The following TTN variants were observed in gnomAD, a reference collection of about 807,000 sequenced individuals.
TTN encodes connectin.
A neutral mutation model predicts 3,223.0 loss-of-function variants in TTN; 1,525 were observed. That is an observed-to-expected ratio of 0.47 (90% CI 0.45 to 0.49). The LOEUF (loss-of-function observed/expected upper bound fraction) is 0.49. Ranked by LOEUF, TTN falls within the 20% of genes least tolerant of loss-of-function variation. The probability of loss-of-function intolerance (pLI) is 0.00; values close to 1 mark genes in which losing one functional copy is unlikely to be tolerated. For missense variants in TTN, 40,786 were observed against 43,424.0 expected (o/e 0.94, Z 5.40); for synonymous variants, 14,094 against 15,161.0 (o/e 0.93, Z 5.17).
rs756267977 is a variant in TTN, at chr2:178,773,766, A to G, written c.7331-41T>C. The G allele has an allele frequency of 6.2e-6, 10 of 1,614,098 alleles. No individual in the cohort carries two copies. The South Asian group carries it at 6.6e-5, about 11-fold the overall frequency. ...CACACAAGATGAATGAATTTTGTTG[A>G]AATTGTCTGCTCCTTGAAGTTCTTT... On this transcript the variant is annotated intron_variant, in intron 31 of 362. Coordinates refer to ENST00000589042, the MANE Select transcript of TTN (RefSeq NM_001267550.2).
At chr2:178,605,342 T>G (rs752279483) in intron 279 of TTN, 47 bp from the exon 280 acceptor site, 22 of 1,531,672 alleles carry the variant, frequency 1.4e-5, no homozygotes, top group Non-Finnish European at 1.7e-5. Flanking sequence ...CATAAGGATG[T>G]TTTTTTCAAC....
At chr2:178,723,726 T>A (rs1470628575) in intron 73 of TTN, 30 bp from the exon 74 acceptor site, 1 of 1,533,072 alleles carries the variant, frequency 6.5e-7, no homozygotes, top group Non-Finnish European at 8.7e-7. Context: ...AATTAAAAGA[T>A]CCTGTAAGCT....
At chr2:178,773,073 C>T (rs2091769218) in intron 33 of TTN, 36 bp downstream of exon 33, 1 of 1,612,538 alleles carries the variant, frequency 6.2e-7, no homozygotes. Context: ...ATAACAATCA[C>T]TCCTCGTAAG....
chr2:178,540,074 T>A lies in TTN; in HGVS notation c.98092A>T (p.Met32698Leu). Residue 32698 changes from methionine to leucine, a missense_variant, in exon 351 of 363, where the codon ATG (methionine) becomes TTG (leucine). Physicochemically the swap from Met to Leu is conservative, Grantham distance 15. Coordinates refer to ENST00000589042, the MANE Select transcript of TTN (RefSeq NM_001267550.2). ...EVPGTVKVTE[M>L]LEYPDYELDE... is the part of the protein sequence containing the mutation. ...AAATGATCATATGTCTCACCAAGCA[T>A]TTCAGTGACTTTGACTGTTCCTGGT... is the stretch of plus-strand genomic sequence containing the variant. 6.3e-7 allele frequency: 1 copy of A among 1,599,466 alleles called. No individual in the cohort carries two copies. Among genetic ancestry groups the A allele is most frequent in the Non-Finnish European group, 8.5e-7 (1 of 1,171,124 alleles).
Position 178,636,831 on chromosome 2 carries a change from G to A in TTN, c.40928-32C>T. ...CAAAGTAAAATAAAAAGTTGATTTG[G>A]CATCTCCTTAGGAGTCAGAAAGTTC... is the stretch of plus-strand genomic sequence containing the variant. On this transcript the variant is annotated intron_variant, in intron 224 of 362. Transcript: ENST00000589042. This position sits in a 1 kb window ranked among gnomAD's most constrained non-coding sequence, Gnocchi z 4.3. 6.5e-7 allele frequency: 1 copy of A among 1,532,840 alleles called. No homozygotes were observed. 95.0% of individuals were successfully genotyped at this position (1,532,840 alleles called of 1,614,324 possible).
Position 178,528,934 on chromosome 2 carries a change from T to G in TTN, c.106817A>C (p.His35606Pro). Residue 35606 changes from histidine to proline, a missense_variant, in exon 360 of 363, where the codon CAT becomes CCT. Transcript: ENST00000589042. ...TSQASEEVRT[H>P]AEIKAFSTQM... ...AGTAGAAAATGCTTTAATCTCAGCA[T>G]GAGTTCTGACTTCTTCTGATGCCTG... 1 of 1,614,052 alleles carries G rather than the reference T, an allele frequency of 6.2e-7. No individual in the cohort carries two copies. Among genetic ancestry groups the G allele is most frequent in the Non-Finnish European group, 8.5e-7 (1 of 1,179,888 alleles).
At chr2:178,631,361 T>C in intron 236 of TTN, 61 bp from the exon 237 acceptor site, 1 of 1,509,530 alleles carries the variant, frequency 6.6e-7, no homozygotes, top group Non-Finnish European at 8.8e-7. Flanking sequence ...GACAATCTCT[T>C]GGAAAGTTTA....
In TTN at chr2:178,692,591, A is replaced by C. The variant is rs1404493150; in HGVS notation, c.31595-11T>G. The C allele has an allele frequency of 3.3e-6, 5 of 1,513,136 alleles. No homozygotes were observed. Among genetic ancestry groups the C allele is most frequent in the Non-Finnish European group, 2.6e-6 (3 of 1,134,464 alleles). The allele number at this position is 1,513,136 out of a possible 1,614,324, so 93.7% of individuals were successfully genotyped here. A position where few individuals can be genotyped will look rare whatever the true frequency, so the allele number is the denominator to read the frequency against. ...CAGGTAGCTCAGGGACTTTAAAAGA[A>C]AAGTGCCATTTTTGAGAAAGTGTGC... On this transcript the variant is annotated splice_polypyrimidine_tract_variant and intron_variant, in intron 119 of 362. Coordinates refer to ENST00000589042, the MANE Select transcript of TTN (RefSeq NM_001267550.2).
chr2:178,565,278 C>T lies in TTN; in HGVS notation c.80854G>A (p.Val26952Ile), dbSNP rs371362606. Residue 26952 changes from valine (V) to isoleucine (I), a missense_variant, in exon 326 of 363, where the codon GTA becomes ATA. By Grantham distance (29) the Val-to-Ile change is conservative. Coordinates refer to ENST00000589042, the MANE Select transcript of TTN (RefSeq NM_001267550.2). ...GTGCCTGCACTATTTGTTGCCGTTA[C>T]GGTGTATTTTCCAAAGTCATCTTTG... ...GNKDDFGKYT[V>I]TATNSAGTAT... 6.9e-5 allele frequency: 112 copies of T among 1,613,602 alleles called. No individual in the cohort carries two copies. The highest frequency in any genetic ancestry group is 2.9e-4 in the African/African-American group (22 of 75,008).
Position 178,541,334 on chromosome 2 carries a change from C to T in TTN, c.97743G>A (p.Gly32581=), listed in dbSNP as rs1553513760. The T allele has an allele frequency of 6.4e-7, 1 of 1,570,722 alleles. No individual in the cohort carries two copies. The highest frequency in any genetic ancestry group is 1.2e-5 in the South Asian group (1 of 85,978). Residue 32581 remains glycine, a synonymous_variant, in exon 350 of 363, where the codon GGG becomes GGA. Transcript: ENST00000589042. ...TGGAAGGACGACTTGGTTTCCCAGA[C>T]CCTCTTGCATTAATGGCTGTGACAC... The part of the protein sequence containing the change: ...EHRVTAINAR[G]SGKPSRPSKP...
Position 178,577,210 on chromosome 2 carries a change from C to A in TTN, c.69125G>T (p.Gly23042Val), listed in dbSNP as rs531136835. ...ACTGATTTCAACAGGACCTGGGGGA[C>A]CAGGTACATCAAGGACTGTTACCTT... The part of the protein sequence containing the change: ...HVKVTVLDVP[G>V]PPGPVEISNV... The change falls in exon 324 of 363, where the codon GGT (glycine) becomes GTT (valine). Residue 23042 changes from glycine to valine, a missense_variant. By Grantham distance (109) the Gly-to-Val change is moderately radical. Transcript: ENST00000589042. 1.9e-6 allele frequency: 3 copies of A among 1,612,704 alleles called. No homozygotes were observed. The highest frequency in any genetic ancestry group is 2.5e-6 in the Non-Finnish European group (3 of 1,179,458).
At position 178,701,525 on chromosome 2, in the gene TTN, T is replaced by A. The variant is rs372242140; in HGVS notation, c.30598+3A>T. ...GCTCAGATGTTGAGGTTCTGGGTCT[T>A]ACCTTCTGGTGGCACTGCTCTGATA... On this transcript the variant is annotated splice_donor_region_variant and intron_variant, in intron 110 of 362. Transcript: ENST00000589042. 5.0e-6 allele frequency: 8 copies of A among 1,612,578 alleles called. No homozygotes were observed. The highest frequency in any genetic ancestry group is 6.8e-6 in the Non-Finnish European group (8 of 1,179,296).
In TTN at chr2:178,599,256, A is replaced by G. The variant is rs766906652; in HGVS notation, c.56537T>C (p.Ile18846Thr). 34 of 1,564,672 alleles carry G rather than the reference A, an allele frequency of 2.2e-5. No individual in the cohort carries two copies. The highest frequency in any genetic ancestry group is 2.8e-5 in the Non-Finnish European group (33 of 1,161,798). The change falls in exon 290 of 363, where the codon ATT becomes ACT. Residue 18846 changes from isoleucine (I) to threonine (T), a missense_variant. By Grantham distance (89) the Ile-to-Thr change is moderately conservative (BLOSUM62 -1). Transcript: ENST00000589042. ...SSEPKECTYTIPKLLEGHEYV... is the reference protein window; with the variant it reads ...SSEPKECTYTTPKLLEGHEYV... ...TTCATGGCCTTCTAGCAATTTGGGA[A>G]TCGTGTACGTGCACTCCTTAGGTTC...
In TTN at chr2:178,616,469, C is replaced by T; in HGVS notation, c.48312+10G>A. The T allele has an allele frequency of 6.2e-7, 1 of 1,611,784 alleles. No homozygotes were observed. The highest frequency in any genetic ancestry group is 8.5e-7 in the Non-Finnish European group (1 of 1,178,644). ...TTTTTGGCATTGATGCAGTGCTGCT[C>T]AAAACTCACTTTAGTCCATGTTTTC... On this transcript the variant is annotated intron_variant, in intron 257 of 362. Transcript: ENST00000589042.
At chr2:178,660,733 G>A (rs1414087578) in intron 180 of TTN, among the ~76,000 whole-genome samples, 1 of 152,308 alleles carries the variant, frequency 6.6e-6, no homozygotes, top group African/African-American at 2.4e-5. Flanking sequence ...CCATCAGAAT[G>A]AACAGGCAAC....
At position 178,718,701 on chromosome 2, in the gene TTN, C is replaced by T; in HGVS notation, c.24499G>A (p.Val8167Met). ...GSASCTTHLF[V>M]KEPATFVKRL... ...ATTGGGGGAAAGAGCAAACCTTTCA[C>T]AAAAAGATGTGTGGTACAGGAAGCA... Residue 8167 changes from valine (V) to methionine (M), a missense_variant, in exon 84 of 363, where the codon GTG becomes ATG. Physicochemically the swap from Val to Met is conservative, Grantham distance 21. Coordinates refer to ENST00000589042, the MANE Select transcript of TTN (RefSeq NM_001267550.2). 1 of 1,612,968 alleles carries T rather than the reference C, an allele frequency of 6.2e-7. No homozygotes were observed. Among genetic ancestry groups the T allele is most frequent in the Non-Finnish European group, 8.5e-7 (1 of 1,179,306 alleles).
chr2:178,793,269 C>T lies in TTN; in HGVS notation c.1536+135G>A. The T allele has an allele frequency of 3.7e-6, 5 of 1,342,200 alleles. No individual in the cohort carries two copies. In the Admixed American group the frequency reaches 1.1e-4, roughly 30 times the overall value. The allele number at this position is 1,342,200 out of a possible 1,614,324, so 83.1% of individuals were successfully genotyped here. A position where few individuals can be genotyped will look rare whatever the true frequency, so the allele number is the denominator to read the frequency against. ...GGTATCCAGTACCCAGAAATTTACA[C>T]ATACAACAAGGGGATCTTATTAGTA... On this transcript the variant is annotated intron_variant, in intron 9 of 362. Coordinates refer to ENST00000589042, the MANE Select transcript of TTN (RefSeq NM_001267550.2).
At chr2:178,630,635 T>A (rs1292364897) in intron 238 of TTN, among the ~76,000 whole-genome samples, 169 bp downstream of exon 238, 2 of 152,104 alleles carry the variant, frequency 1.3e-5, no homozygotes, top group African/African-American at 4.8e-5. Flanking sequence ...GTAATGCAAG[T>A]GTGCCAGTCT....
chr2:178,541,266 T>C lies in TTN; in HGVS notation c.97795+16A>G. ...ATTGTAACTCAATCAATTTGACTGA[T>C]ACAAAATGTCCTTACCAATTGGATC... On this transcript the variant is annotated intron_variant, in intron 350 of 362. Coordinates refer to ENST00000589042, the MANE Select transcript of TTN (RefSeq NM_001267550.2). 3 of 1,467,610 alleles carry C rather than the reference T, an allele frequency of 2.0e-6. No individual in the cohort carries two copies. Among genetic ancestry groups the C allele is most frequent in the South Asian group, 1.5e-5 (1 of 67,638 alleles). The allele number at this position is 1,467,610 out of a possible 1,614,324, so 90.9% of individuals were successfully genotyped here.
Sources: allele counts gnomAD v4.1 joint callset (sites outside exome capture counted in the v4.1 genomes callset), GRCh38; gene constraint gnomAD v4.1.1; non-coding constraint Gnocchi (gnomAD v3.1); transcripts MANE v1.5; gene names NCBI Gene and HGNC (gene_info 2026-07-23, HGNC 2026-07-21).